NAA35: variants seen among roughly 807,000 people sequenced by gnomAD.
NAA35 encodes the protein N-alpha-acetyltransferase 35, NatC auxiliary subunit.
NAA35 carries 18 observed loss-of-function variants against 101.7 expected under a neutral mutation model. The observed-to-expected ratio is 0.18, with a 90% CI of 0.12 to 0.26. NAA35 has a LOEUF of 0.26. Among genes scored for constraint, NAA35 ranks in the 10% least tolerant of loss-of-function variants. The probability of loss-of-function intolerance (pLI) is 1.00; values close to 1 mark genes in which losing one functional copy is unlikely to be tolerated. For synonymous variants in NAA35, 267 were observed against 273.1 expected, an observed-to-expected ratio of 0.98 and a Z score of 0.22; for missense variants, 601 against 886.8, an observed-to-expected ratio of 0.68 and a Z score of 4.09.
chr9:85,964,051 G>A (rs1418727738), intron 6 of NAA35, among the ~76,000 whole-genome samples: 2 of 151,714 alleles, frequency 1.3e-5, no homozygotes, highest in Non-Finnish European at 2.9e-5. Context: ...AGATTGTTGA[G>A]GATGGGAAAA....
intron 11 of NAA35, among the ~76,000 whole-genome samples, chr9:85,987,379 G>C (rs1312531360): frequency 2.0e-5 from 3 of 152,188 alleles, no homozygotes; most frequent in Non-Finnish European, 4.4e-5. Context: ...TGGTGCCAAA[G>C]ACAAAACTAT....
chr9:86,020,833 A>G (rs1587677592), intron 21 of NAA35, 56 bp from the exon 22 acceptor site: 2 of 1,433,464 alleles, frequency 1.4e-6, no homozygotes, highest in East Asian at 2.3e-5. Flanking sequence ...AAAAAAGAAA[A>G]AGAGAAATTT....
At chr9:86,004,255 C>T (rs1195560793) in intron 13 of NAA35, among the ~76,000 whole-genome samples, 1 of 152,280 alleles carries the variant, frequency 6.6e-6, no homozygotes. Flanking sequence ...CAGGCGCACA[C>T]CATCATGCCT....
intron 11 of NAA35, among the ~76,000 whole-genome samples, chr9:85,981,085 A>G (rs1456476337): frequency 2.0e-5 from 3 of 152,090 alleles, no homozygotes; most frequent in African/African-American, 4.8e-5. Context: ...GGAAATCAGT[A>G]TTGTCATAAT....
rs1479036371 is a variant in NAA35 at position 85,945,368 on chromosome 9, G to A, written c.124+3085G>A. Among the ~76,000 whole-genome samples the A allele has an allele frequency of 1.2e-4, 18 of 152,272 alleles. No homozygotes were observed. The East Asian group carries it at 1.5e-3, about 13-fold the overall frequency. Reference sequence around the variant, plus strand: ...TTGAGCCTGTGGTATTTATTTTCCCGTCTTGGAATAATCAGATTTGTAGTC... The same window carrying A: ...TTGAGCCTGTGGTATTTATTTTCCCATCTTGGAATAATCAGATTTGTAGTC... On this transcript the variant is annotated intron_variant, in intron 2 of 22. Transcript: ENST00000361671.
At chr9:86,013,236 C>T (rs528979739) in intron 16 of NAA35, 92 bp downstream of exon 16, 1 of 731,760 alleles carries the variant, frequency 1.4e-6, no homozygotes, top group African/African-American at 1.8e-5. Context: ...AATATTTTGA[C>T]TAATTTTTCA....
intron 11 of NAA35, among the ~76,000 whole-genome samples, chr9:85,993,906 TC>T (rs1163257964): frequency 6.6e-6 from 1 of 151,952 alleles, no homozygotes; most frequent in African/African-American, 2.4e-5. Context: ...CGTCCTGTAC[TC>T]AAGCTGTCCT....
intron 2 of NAA35, among the ~76,000 whole-genome samples, chr9:85,952,744 T>C (rs998519150): frequency 2.0e-5 from 3 of 152,180 alleles, no homozygotes; most frequent in Non-Finnish European, 4.4e-5. Flanking sequence ...GTGAGTGAGG[T>C]ACCTTATGGT....
chr9:85,966,581 AC>A (rs1829752606), intron 6 of NAA35: 2 of 1,190,652 alleles, frequency 1.7e-6, no homozygotes, highest in Non-Finnish European at 2.2e-6. Context: ...AACCTCACCC[AC>A]CTCTTGATCT....
chr9:86,014,980 G>T (rs1444094174), intron 17 of NAA35, among the ~76,000 whole-genome samples: 1 of 152,004 alleles, frequency 6.6e-6, no homozygotes, highest in Non-Finnish European at 1.5e-5. Context: ...TGCCCGGGTT[G>T]GTCCTGAACT....
intron 8 of NAA35, among the ~76,000 whole-genome samples, chr9:85,975,974 T>A (rs1278799416): frequency 6.6e-6 from 1 of 152,176 alleles, no homozygotes; most frequent in Non-Finnish European, 1.5e-5. Flanking sequence ...ATTTTTTTTT[T>A]AACACTAGTA....
chr9:85,964,559 G>A (rs986160160), intron 6 of NAA35, among the ~76,000 whole-genome samples: 3 of 152,054 alleles, frequency 2.0e-5, no homozygotes, highest in Admixed American at 6.5e-5. Context: ...ATTTAATTGC[G>A]TATCTCTATA....
In NAA35 at chr9:85,941,688, G is replaced by A. The variant is rs1036294613; in HGVS notation, c.-6+415G>A. 10 of 986,302 alleles carry A rather than the reference G, an allele frequency of 1.0e-5. No homozygotes were observed. The African/African-American group carries it at 1.7e-4, about 17-fold the overall frequency. 61.1% of individuals were successfully genotyped at this position (986,302 alleles called of 1,614,324 possible). A position where few individuals can be genotyped will look rare whatever the true frequency, so the allele number is the denominator to read the frequency against. On this transcript the variant is annotated intron_variant, in intron 1 of 22. Transcript: ENST00000361671. ...TTGCTCCCGGCGAGGTTCTGCCTGG[G>A]TCCGGGCCGGCTCTGGCCCGGGAGA... is the stretch of plus-strand genomic sequence containing the variant.
At chr9:85,958,127 G>T (rs1212632959) in intron 3 of NAA35, among the ~76,000 whole-genome samples, 1 of 152,014 alleles carries the variant, frequency 6.6e-6, no homozygotes, top group Non-Finnish European at 1.5e-5. Flanking sequence ...TTTTAGTAAA[G>T]ATGGGGTTTC....
intron 2 of NAA35, among the ~76,000 whole-genome samples, chr9:85,951,250 A>G (rs1349613425): frequency 6.6e-6 from 1 of 152,218 alleles, no homozygotes; most frequent in East Asian, 1.9e-4. Context: ...GTAGAGTTTG[A>G]CATTTTTGCA....
intron 17 of NAA35, among the ~76,000 whole-genome samples, chr9:86,016,015 ATT>A (rs201589506): frequency 1.3e-5 from 2 of 151,584 alleles, no homozygotes; most frequent in African/African-American, 4.8e-5. Context: ...ATGCATATAT[ATT>A]TTTATATATA....
chr9:85,990,729 A>C (rs1442848119), intron 11 of NAA35, among the ~76,000 whole-genome samples: 1 of 152,230 alleles, frequency 6.6e-6, no homozygotes, highest in African/African-American at 2.4e-5. Flanking sequence ...TGTGCGCTAG[A>C]GCGAGACTTT....
chr9:85,981,568 A>C (rs17353249), intron 11 of NAA35, among the ~76,000 whole-genome samples: 2 of 152,148 alleles, frequency 1.3e-5, no homozygotes, highest in Non-Finnish European at 2.9e-5. Context: ...TAGCTTGTGC[A>C]TATGATCTCC....
rs1169713270 is a variant in NAA35, at chr9:86,007,373, G to C, written c.1132G>C (p.Asp378His). The C allele has an allele frequency of 3.7e-6, 6 of 1,612,888 alleles. No individual in the cohort carries two copies. Among genetic ancestry groups the C allele is most frequent in the Non-Finnish European group, 5.1e-6 (6 of 1,179,160 alleles). ...RSLLQTTFLV[D>H]NKKVFGTHLM... The stretch of plus-strand genomic sequence containing the variant: ...TTGTTTTAAGACCACTTTCCTGGTG[G>C]ATAACAAAAAGGTCTTTGGAACTCA... The change falls in exon 14 of 23, where the codon GAT becomes CAT. Residue 378 changes from aspartate to histidine, a missense_variant. By Grantham distance (81) the Asp-to-His change is moderately conservative. Around this residue, in one of 8 missense-constraint regions of NAA35, gnomAD observed 190 missense variants for 223.1 expected, o/e 0.85. Coordinates refer to ENST00000361671, the MANE Select transcript of NAA35 (RefSeq NM_024635.4).
Sources: gnomAD v4.1 joint callset for allele counts (sites outside exome capture counted in the v4.1 genomes callset) on GRCh38, gnomAD v4.1.1 for gene constraint, gnomAD v4.1.1 regional missense constraint, MANE v1.5 for transcripts, NCBI Gene and HGNC (gene_info 2026-07-23, HGNC 2026-07-21) for gene names.